The following ANKRD28 variants were observed in gnomAD, a reference collection of about 807,000 sequenced individuals.
ANKRD28 encodes the protein ankyrin repeat domain 28, also known as serine/threonine-protein phosphatase 6 regulatory ankyrin repeat subunit A.
Under a neutral mutation model 126.5 loss-of-function variants are expected in ANKRD28, and 44 were observed. The ratio of observed to expected loss-of-function variants is 0.35; its 90% CI spans 0.27 to 0.45. The LOEUF (loss-of-function observed/expected upper bound fraction) is 0.45. ANKRD28 is among the 20% of genes least tolerant of loss of function. The pLI is 1.00. For missense variants in ANKRD28, 1,110 were observed against 1,316.6 expected, an observed-to-expected ratio of 0.84 and a Z score of 2.43; for synonymous variants, 442 against 468.5, an observed-to-expected ratio of 0.94 and a Z score of 0.73.
chr3:15,835,583 A>G (rs533890152), intron 1 of ANKRD28, among the ~76,000 whole-genome samples: 2 of 152,220 alleles, frequency 1.3e-5, no homozygotes, highest in Non-Finnish European at 2.9e-5. Flanking sequence ...AAAGTTTCCA[A>G]TGGTTGCCCC....
At chr3:15,721,277 GT>G (rs1414271768) in intron 7 of ANKRD28, 150 bp from the exon 8 acceptor site, 1 of 684,040 alleles carries the variant, frequency 1.5e-6, no homozygotes, top group Admixed American at 2.8e-5. Context: ...TAATTCTAAA[GT>G]TGGTTTAAAA....
At chr3:15,837,912 G>T (rs1447993436) in intron 1 of ANKRD28, among the ~76,000 whole-genome samples, 1 of 141,196 alleles carries the variant, frequency 7.1e-6, no homozygotes, top group Non-Finnish European at 1.5e-5. Flanking sequence ...AAAAAAAAAT[G>T]AAGATACTAA....
intron 8 of ANKRD28, among the ~76,000 whole-genome samples, chr3:15,715,754 G>T (rs889697971): frequency 6.6e-6 from 1 of 151,970 alleles, no homozygotes; most frequent in African/African-American, 2.4e-5. Context: ...CATCTTACTG[G>T]TCTGTTGTAC....
At chr3:15,716,589 T>C (rs756788007) in intron 8 of ANKRD28, among the ~76,000 whole-genome samples, 1 of 152,022 alleles carries the variant, frequency 6.6e-6, no homozygotes, top group African/African-American at 2.4e-5. Context: ...TGGCCAGCTA[T>C]AGCCAATTTT....
chr3:15,675,701 T>C (rs776407378), intron 27 of ANKRD28, among the ~76,000 whole-genome samples, 197 bp downstream of exon 27: 7 of 152,260 alleles, frequency 4.6e-5, no homozygotes, highest in Admixed American at 3.3e-4. Context: ...ACAGATGATA[T>C]AGGAATTCGG....
chr3:15,850,222 T>TAG lies in ANKRD28; in HGVS notation c.27+9154_27+9155insCT, dbSNP rs1402127071. Among the ~76,000 whole-genome samples the TAG allele has an allele frequency of 2.0e-3, 83 of 41,794 alleles. 1 individual carries two copies. The highest frequency in any genetic ancestry group is 3.1e-3 in the Non-Finnish European group (56 of 18,194). The allele number at this position is 41,794 out of a possible 152,430, so 27.4% of individuals were successfully genotyped here. A position where few individuals can be genotyped will look rare whatever the true frequency, so the allele number is the denominator to read the frequency against. On this transcript the variant is annotated intron_variant, in intron 1 of 27. Transcript: ENST00000399451. ...AAAAAAAAATATATATATATATATA[T>TAG]ATAGAGAGAGAGAGAGAGAGAGAGA...
intron 1 of ANKRD28, among the ~76,000 whole-genome samples, chr3:15,826,047 A>AT (rs2061057450): frequency 6.6e-6 from 1 of 152,162 alleles, no homozygotes; most frequent in Non-Finnish European, 1.5e-5. Flanking sequence ...AAAGGTGAAC[A>AT]TGTCTATATC....
chr3:15,788,639 AAAG>A (rs1270438991), intron 2 of ANKRD28, among the ~76,000 whole-genome samples: 3 of 152,176 alleles, frequency 2.0e-5, no homozygotes, highest in Admixed American at 1.3e-4. Context: ...ATTTTCTTAT[AAAG>A]AAGAATCAAA....
intron 6 of ANKRD28, among the ~76,000 whole-genome samples, chr3:15,735,034 C>T (rs2074925682): frequency 6.6e-6 from 1 of 152,104 alleles, no homozygotes; most frequent in Non-Finnish European, 1.5e-5. Flanking sequence ...ACATTTAACC[C>T]ACTGGTTGGC....
At chr3:15,822,831 C>T (rs2060974583) in intron 1 of ANKRD28, among the ~76,000 whole-genome samples, 1 of 152,084 alleles carries the variant, frequency 6.6e-6, no homozygotes, top group African/African-American at 2.4e-5. Context: ...TAGAAAATAG[C>T]TAGTTCTTTG....
At chr3:15,743,981 T>C (rs1248894242) in intron 4 of ANKRD28, among the ~76,000 whole-genome samples, 2 of 152,224 alleles carry the variant, frequency 1.3e-5, no homozygotes, top group African/African-American at 2.4e-5. Flanking sequence ...AATTCTCCCA[T>C]GGTATCTCAA....
rs181864015 is a variant in ANKRD28, at chr3:15,854,341, C to T, written c.27+5036G>A. Among the ~76,000 whole-genome samples the T allele has an allele frequency of 5.8e-4, 89 of 152,338 alleles. No individual in the cohort carries two copies. The highest frequency in any genetic ancestry group is 2.0e-3 in the African/African-American group (85 of 41,574). ...ATCCATCCTTCCTGGCTTGCCTTCA[C>T]AGTTCCCTCTTGTTGCTTTCATTGA... On this transcript the variant is annotated intron_variant, in intron 1 of 27. Transcript: ENST00000399451. This position sits in a 1 kb window ranked among gnomAD's most constrained non-coding sequence, Gnocchi z 4.1.
At chr3:15,680,348 C>A (rs1166051047) in intron 21 of ANKRD28, among the ~76,000 whole-genome samples, 1 of 151,958 alleles carries the variant, frequency 6.6e-6, no homozygotes, top group African/African-American at 2.4e-5. Flanking sequence ...GGACTACAGG[C>A]GCCCACCACC....
intron 1 of ANKRD28, among the ~76,000 whole-genome samples, chr3:15,811,988 A>G (rs1208504781): frequency 1.3e-5 from 2 of 151,910 alleles, no homozygotes; most frequent in Non-Finnish European, 2.9e-5. Context: ...CCCTATCTTT[A>G]CTAAAAATAG....
chr3:15,841,891 G>A (rs539033745), intron 1 of ANKRD28, among the ~76,000 whole-genome samples: 3 of 151,966 alleles, frequency 2.0e-5, no homozygotes, highest in African/African-American at 4.8e-5. Context: ...AACTAAAAAT[G>A]GCACTAGCAC....
In ANKRD28 at chr3:15,696,206, C is replaced by T. The variant is rs1172035976; in HGVS notation, c.1587G>A (p.Gly529=). 6.3e-7 allele frequency: 1 copy of T among 1,591,782 alleles called. No individual in the cohort carries two copies. The highest frequency in any genetic ancestry group is 8.6e-7 in the Non-Finnish European group (1 of 1,166,958). ...EYLLRNDANP[G]IRDKQGYNAV... ...CGTTGTATCCTTGCTTATCACGGATCCCTGGATTTGCATCGTTTCTTAATA... is the reference window on the plus strand; with the variant it reads ...CGTTGTATCCTTGCTTATCACGGATTCCTGGATTTGCATCGTTTCTTAATA... The change falls in exon 15 of 28, where the codon GGG becomes GGA. Residue 529 remains glycine (G), a synonymous_variant. Coordinates refer to ENST00000683139, the MANE Select transcript of ANKRD28 (RefSeq NM_001349278.2).
At chr3:15,859,140 T>C (rs1304306143) in intron 1 of ANKRD28, among the ~76,000 whole-genome samples, 2 of 152,268 alleles carry the variant, frequency 1.3e-5, no homozygotes, top group Non-Finnish European at 2.9e-5. Flanking sequence ...CCCGCCCCTC[T>C]TGCTGCAGCG....
chr3:15,847,885 G>A (rs1194229749), intron 1 of ANKRD28, among the ~76,000 whole-genome samples: 1 of 152,126 alleles, frequency 6.6e-6, no homozygotes, highest in African/African-American at 2.4e-5. Flanking sequence ...TCTTCCAGTG[G>A]CTCATGATTG....
intron 17 of ANKRD28, among the ~76,000 whole-genome samples, chr3:15,693,197 T>A (rs960984809): frequency 6.6e-6 from 1 of 152,226 alleles, no homozygotes; most frequent in African/African-American, 2.4e-5. Flanking sequence ...AATGTAAATA[T>A]ACTTAACACT....
Sources: allele counts gnomAD v4.1 joint callset (sites outside exome capture counted in the v4.1 genomes callset), GRCh38; gene constraint gnomAD v4.1.1; non-coding constraint Gnocchi (gnomAD v3.1); transcripts MANE v1.5; gene names NCBI Gene and HGNC (gene_info 2026-07-23, HGNC 2026-07-21).